The following ABCA2 variants were observed in gnomAD, a reference collection of about 807,000 sequenced individuals.
ABCA2 encodes ATP-binding cassette sub-family A member 2.
A neutral mutation model predicts 262.8 loss-of-function variants in ABCA2; 84 were observed. The observed-to-expected ratio is 0.32, with a 90% CI of 0.27 to 0.38. The LOEUF (loss-of-function observed/expected upper bound fraction) is 0.38. ABCA2 is among the 10% of genes least tolerant of loss of function. ABCA2 has a pLI of 1.00. For synonymous variants in ABCA2, 1,696 were observed against 1,502.9 expected (o/e 1.13, Z -2.97); for missense variants, 2,662 against 3,405.9 (o/e 0.78, Z 5.44).
At chr9:137,018,154 C>T (rs765721876) in intron 14 of ABCA2, 24 bp downstream of exon 14, 13 of 1,610,448 alleles carry the variant, frequency 8.1e-6, no homozygotes, top group Middle Eastern at 1.6e-4. Flanking sequence ...ATCCTCCAGC[C>T]GGTCTTCCGG....
chr9:137,014,477 G>A (rs1051545147), intron 26 of ABCA2, 73 bp from the exon 27 acceptor site: 38 of 1,492,398 alleles, frequency 2.5e-5, no homozygotes, highest in Middle Eastern at 2.3e-4. Context: ...CCCCATCCCC[G>A]GTCTTGACCC....
rs761969879 is a variant in ABCA2, at chr9:137,023,074, G to A, written c.164-22C>T. On this transcript the variant is annotated intron_variant, in intron 3 of 48. Transcript: ENST00000341511. ...AAGGCTGGCAGACCCACGGGAGAGG[G>A]CAGGGTCGGGGGTGAAAGGGGAGAG... is the stretch of plus-strand genomic sequence containing the variant. The A allele has an allele frequency of 7.1e-6, 11 of 1,548,428 alleles. No individual in the cohort carries two copies. The South Asian group carries it at 1.2e-4, about 17-fold the overall frequency.
Position 137,014,952 on chromosome 9 carries a change from G to T in ABCA2, c.3843C>A (p.Ser1281Arg). Residue 1281 changes from serine (S) to arginine (R), a missense_variant, in exon 25 of 49, where the codon AGC (serine) becomes AGA (arginine). Around this residue, in one of 12 missense-constraint regions of ABCA2, gnomAD observed 297 missense variants for 286.5 expected, o/e 1.04. Transcript: ENST00000341511. ...CGAAAGCCCCCTTCTTGGCGGCCTC[G>T]CTGGGCAGGATGTAGGAGAGCTCCG... ...TSTELSYILP[S>R]EAAKKGAFER... 1 of 1,566,548 alleles carries T rather than the reference G, an allele frequency of 6.4e-7. No individual in the cohort carries two copies. Among genetic ancestry groups the T allele is most frequent in the South Asian group, 1.2e-5 (1 of 84,268 alleles).
upstream of ABCA2, chr9:137,028,860 T>G: frequency 7.5e-7 from 1 of 1,325,100 alleles, no homozygotes; most frequent in Non-Finnish European, 1.0e-6. This position sits in a 1 kb window ranked among gnomAD's most constrained non-coding sequence, Gnocchi z 6.9. Context: ...ACGCGGCTCG[T>G]TTTTCTCCCC....
chr9:137,015,488 A>C lies in ABCA2; in HGVS notation c.3623T>G (p.Phe1208Cys). The change falls in exon 24 of 49, where the codon TTC becomes TGC. Residue 1208 changes from phenylalanine (F) to cysteine (C), a missense_variant. Coordinates refer to ENST00000341511, the MANE Select transcript of ABCA2 (RefSeq NM_001606.5). ...CCCGTCGCCATAGGTGCCCTTGAGG[A>C]AGAGCGGGGAGCCGCAGCACTTGAG... ...GKLKCCGSPL[F>C]LKGTYGDGYR... 1 of 1,609,992 alleles carries C rather than the reference A, an allele frequency of 6.2e-7. No individual in the cohort carries two copies. The highest frequency in any genetic ancestry group is 8.5e-7 in the Non-Finnish European group (1 of 1,178,732).
Position 137,015,437 on chromosome 9 carries a change from G to C in ABCA2, c.3674C>G (p.Pro1225Arg). The C allele has an allele frequency of 6.4e-7, 1 of 1,569,886 alleles. No homozygotes were observed. Among genetic ancestry groups the C allele is most frequent in the African/African-American group, 1.4e-5 (1 of 73,822 alleles). The change falls in exon 24 of 49, where the codon CCC (proline) becomes CGC (arginine). Residue 1225 changes from proline to arginine, a missense_variant. This residue lies in a region of ABCA2 where 297 missense variants were observed against 286.5 expected (regional missense o/e 1.04). Coordinates refer to ENST00000341511, the MANE Select transcript of ABCA2 (RefSeq NM_001606.5). Reference sequence around the variant, plus strand: ...ACCTTGGGGGCCCCCCGGCTCGGCGGGCCGCTTGACCAGCGTGAGGCGGTA... The same window carrying C: ...ACCTTGGGGGCCCCCCGGCTCGGCGCGCCGCTTGACCAGCGTGAGGCGGTA... ...DGYRLTLVKR[P>R]AEPGGPQEPG...
rs1831109785 is a variant in ABCA2 at position 137,012,838 on chromosome 9, CAGG to C, written c.4952_4954del (p.Ser1651del). 1 of 1,609,794 alleles carries C rather than the reference CAGG, an allele frequency of 6.2e-7. No homozygotes were observed. Among genetic ancestry groups the C allele is most frequent in the African/African-American group, 1.3e-5 (1 of 75,018 alleles). On this transcript the variant is annotated inframe_deletion, in exon 31 of 49. Transcript: ENST00000341511. ...CGGGTGCCCGCCCACACTGCTGGGGCAGGAGAAGCCGGTGCCCTGCGCAGAGCA... is the reference window on the plus strand; with the variant it reads ...CGGGTGCCCGCCCACACTGCTGGGGCAGAAGCCGGTGCCCTGCGCAGAGCA...
chr9:137,016,264 C>T, intron 21 of ABCA2, 27 bp downstream of exon 21: 1 of 1,611,850 alleles, frequency 6.2e-7, no homozygotes, highest in Non-Finnish European at 8.5e-7. Context: ...CAGCAGATGC[C>T]CACCGCCCTG....
intron 2 of ABCA2, 32 bp from the exon 3 acceptor site, chr9:137,023,872 G>T: frequency 1.1e-6 from 1 of 890,112 alleles, no homozygotes; most frequent in Non-Finnish European, 1.9e-6. Context: ...GAGACCATGC[G>T]GGGAGGGAGG....
At chr9:137,015,161 G>T (rs1831211535) in intron 24 of ABCA2, 64 bp from the exon 25 acceptor site, 4 of 1,499,360 alleles carry the variant, frequency 2.7e-6, no homozygotes, top group Admixed American at 2.2e-5. Context: ...CCCCCAATGG[G>T]AACCCAACTG....
chr9:137,008,248 C>T (rs1308707798), intron 48 of ABCA2, 168 bp downstream of exon 48: 1 of 872,228 alleles, frequency 1.1e-6, no homozygotes, highest in Non-Finnish European at 1.8e-6. Context: ...GCAGTTACGT[C>T]TCTCCAGGCC....
rs199687476 is a variant in ABCA2, at chr9:137,020,469, C to T, written c.1292G>A (p.Arg431Gln). 43 of 1,605,092 alleles carry T rather than the reference C, an allele frequency of 2.7e-5. No homozygotes were observed. In the Admixed American group the frequency reaches 2.8e-4, roughly 11 times the overall value. The change falls in exon 10 of 49, where the codon CGG becomes CAG. Residue 431 changes from arginine (R) to glutamine (Q), a missense_variant. Arg to Gln is a conservative substitution (Grantham distance 43). Around this residue, in one of 12 missense-constraint regions of ABCA2, gnomAD observed 92 missense variants for 146.7 expected, o/e 0.63. Transcript: ENST00000341511. ...GAAGCCCAGGGAGCTCATGTTGCCC[C>T]GCCGCAGCGCCTCGGGTTCAATGGT... Reference protein sequence around the residue: ...NRTIEPEALRRGNMSSLGFTS... With the variant: ...NRTIEPEALRQGNMSSLGFTS...
At position 137,011,591 on chromosome 9, in the gene ABCA2, C is replaced by T. The variant is rs1335793188; in HGVS notation, c.5652-37G>A. The T allele has an allele frequency of 3.9e-6, 6 of 1,558,056 alleles. No individual in the cohort carries two copies. On this transcript the variant is annotated intron_variant, in intron 36 of 48. Transcript: ENST00000341511. The surrounding 1 kb of genome is among the most constrained non-coding windows in gnomAD (Gnocchi z 8.8). ...TGGCGGGCAGTGGTCACCAGGCAGC[C>T]CCGGTCCCACCTGAGGCCGCTCCCC... is the stretch of plus-strand genomic sequence containing the variant.
intron 48 of ABCA2, 167 bp from the exon 49 acceptor site, chr9:137,008,131 A>T: frequency 2.2e-6 from 2 of 911,402 alleles, no homozygotes; most frequent in Middle Eastern, 2.6e-4. Context: ...CCGTCTGCCG[A>T]GTCTGGGGGC....
chr9:137,013,296 T>C lies in ABCA2; in HGVS notation c.4573A>G (p.Ser1525Gly). The change falls in exon 30 of 49, where the codon AGC becomes GGC. Residue 1525 changes from serine (S) to glycine (G), a missense_variant. This residue lies in a region of ABCA2 where 192 missense variants were observed against 207.2 expected (regional missense o/e 0.93). Coordinates refer to ENST00000341511, the MANE Select transcript of ABCA2 (RefSeq NM_001606.5). ...AACGTGCTCACGAGCTGCTGGGGGC[T>C]GGCGTCGGGCGATAGCCGCAGCCTG... ...EYRLRLSPDA[S>G]PQQLVSTFRL... is the part of the protein sequence containing the mutation. 1 of 1,566,090 alleles carries C rather than the reference T, an allele frequency of 6.4e-7. No homozygotes were observed.
Position 137,013,123 on chromosome 9 carries a change from C to G in ABCA2, c.4746G>C (p.Gln1582His), listed in dbSNP as rs752228531. The G allele has an allele frequency of 6.3e-7, 1 of 1,595,948 alleles. No homozygotes were observed. The highest frequency in any genetic ancestry group is 1.1e-5 in the South Asian group (1 of 89,164). ...GCACGAAATTGGACAGTGGCAGCCC[C>G]TGTGTGAAGGACTCCAGACACATGC... ...FDSMCLESFT[Q>H]GLPLSNFVPP... Residue 1582 changes from glutamine (Q) to histidine (H), a missense_variant, in exon 30 of 49, where the codon CAG (glutamine) becomes CAC (histidine). This residue lies in a region of ABCA2 where 192 missense variants were observed against 207.2 expected (regional missense o/e 0.93). Coordinates refer to ENST00000341511, the MANE Select transcript of ABCA2 (RefSeq NM_001606.5).
At chr9:137,028,761 C>T (rs368038685), upstream of ABCA2, 32 of 1,286,514 alleles carry the variant, frequency 2.5e-5, no homozygotes, top group Non-Finnish European at 3.0e-5. This position sits in a 1 kb window ranked among gnomAD's most constrained non-coding sequence, Gnocchi z 6.9. Flanking sequence ...CCCGCGATTC[C>T]GAGCAGCCAG....
In ABCA2 at chr9:137,016,134, C is replaced by T. The variant is rs769630364; in HGVS notation, c.3145G>A (p.Ala1049Thr). ...TGLFPPTSGS[A>T]TIYGHDIRTE... ...CGGATGTCGTGCCCGTAGATGGTGGCGGAACCCGACGTTGGAGGGAACAGG... is the reference window on the plus strand; with the variant it reads ...CGGATGTCGTGCCCGTAGATGGTGGTGGAACCCGACGTTGGAGGGAACAGG... The change falls in exon 22 of 49, where the codon GCC becomes ACC. Residue 1049 changes from alanine to threonine, a missense_variant. By Grantham distance (58) the Ala-to-Thr change is moderately conservative. This residue lies in a region of ABCA2 where 180 missense variants were observed against 307.3 expected (regional missense o/e 0.59). Transcript: ENST00000341511. 22 of 1,612,686 alleles carry T rather than the reference C, an allele frequency of 1.4e-5. No individual in the cohort carries two copies. The highest frequency in any genetic ancestry group is 2.7e-5 in the African/African-American group (2 of 74,924).
Position 137,010,222 on chromosome 9 carries a change from C to A in ABCA2, c.6324G>T (p.Thr2108=). 1 of 1,605,482 alleles carries A rather than the reference C, an allele frequency of 6.2e-7. No homozygotes were observed. The highest frequency in any genetic ancestry group is 2.2e-5 in the East Asian group (1 of 44,588). Residue 2108 remains threonine (T), a synonymous_variant, in exon 41 of 49, where the codon ACG becomes ACT. Coordinates refer to ENST00000341511, the MANE Select transcript of ABCA2 (RefSeq NM_001606.5). The stretch of plus-strand genomic sequence containing the variant: ...GTCCATTGACGAAGGCCTCGCCCCC[C>A]GTCGTGCTCTCGTCGCCGGTCAGCA... ...FKMLTGDEST[T]GGEAFVNGHS...
Sources: allele counts gnomAD v4.1 joint callset, GRCh38; gene constraint gnomAD v4.1.1; regional missense constraint gnomAD v4.1.1; non-coding constraint Gnocchi (gnomAD v3.1); transcripts MANE v1.5; gene names NCBI Gene and HGNC (gene_info 2026-07-23, HGNC 2026-07-21).